The following FRAS1 variants were observed in gnomAD, a reference collection of about 807,000 sequenced individuals.
FRAS1 encodes extracellular matrix organizing protein FRAS1.
FRAS1 carries 290 observed loss-of-function variants against 435.2 expected under a neutral mutation model. The ratio of observed to expected loss-of-function variants is 0.67; its 90% CI spans 0.61 to 0.73. FRAS1 has a LOEUF of 0.73. Among genes scored for constraint, FRAS1 ranks in the 30% least tolerant of loss-of-function variants. FRAS1 has a pLI of 0.00. For missense variants in FRAS1, 4,860 were observed against 5,001.5 expected, an observed-to-expected ratio of 0.97 and a Z score of 0.85; for synonymous variants, 1,800 against 1,851.0, an observed-to-expected ratio of 0.97 and a Z score of 0.71.
At chr4:78,085,491 C>G (rs184695971) in intron 2 of FRAS1, among the ~76,000 whole-genome samples, 1 of 152,240 alleles carries the variant, frequency 6.6e-6, no homozygotes, top group Non-Finnish European at 1.5e-5. Context: ...TAGCAACAGT[C>G]ACCTGGTGAT....
chr4:78,233,355 A>G (rs962230456), intron 2 of FRAS1, among the ~76,000 whole-genome samples: 3 of 152,220 alleles, frequency 2.0e-5, no homozygotes, highest in Non-Finnish European at 4.4e-5. Flanking sequence ...CTCAACCTAT[A>G]GTTTCATTTC....
At chr4:78,142,523 T>A (rs10020175) in intron 2 of FRAS1, among the ~76,000 whole-genome samples, 12,997 of 152,150 alleles carry the variant, frequency 0.085, 785 homozygotes, top group African/African-American at 0.16. Flanking sequence ...GGGTTGCAGA[T>A]AATGAACGGA....
intron 2 of FRAS1, among the ~76,000 whole-genome samples, chr4:78,080,579 T>C (rs1159171660): frequency 6.6e-6 from 1 of 152,172 alleles, no homozygotes; most frequent in East Asian, 1.9e-4. Flanking sequence ...TGTATCTGCT[T>C]TGGAAAATAC....
intron 2 of FRAS1, among the ~76,000 whole-genome samples, chr4:78,155,426 A>G (rs1178159634): frequency 6.6e-6 from 1 of 152,224 alleles, no homozygotes; most frequent in Non-Finnish European, 1.5e-5. Flanking sequence ...AATAATGTAA[A>G]TAGTGTAAAT....
intron 2 of FRAS1, among the ~76,000 whole-genome samples, chr4:78,155,628 C>T (rs952009215): frequency 1.3e-5 from 2 of 152,160 alleles, no homozygotes; most frequent in Non-Finnish European, 2.9e-5. Flanking sequence ...TAACCCCCTG[C>T]GAGGAGCAGG....
chr4:78,148,058 G>A (rs1052815091), intron 2 of FRAS1, among the ~76,000 whole-genome samples: 5 of 152,226 alleles, frequency 3.3e-5, no homozygotes, highest in East Asian at 1.9e-4. Flanking sequence ...AATGTCACTT[G>A]TTCACTCCAA....
intron 22 of FRAS1, 58 bp from the exon 23 acceptor site, chr4:78,369,780 A>G: frequency 1.3e-6 from 2 of 1,503,502 alleles, no homozygotes; most frequent in South Asian, 1.3e-5. Context: ...AGGTTTGATC[A>G]GTGCTTCAGT....
chr4:78,482,369 G>T lies in FRAS1; in HGVS notation c.8605-19G>T. On this transcript the variant is annotated intron_variant, in intron 57 of 73. Transcript: ENST00000512123. The stretch of plus-strand genomic sequence containing the variant: ...AGATGGTGGGTCCTCTGTCAAGTTT[G>T]CTTTGGTTTCTCTTCTAGTATTGCA... The T allele has an allele frequency of 1.2e-6, 2 of 1,613,700 alleles. No homozygotes were observed. The highest frequency in any genetic ancestry group is 1.7e-6 in the Non-Finnish European group (2 of 1,179,740).
Position 78,230,213 on chromosome 4 carries a change from T to C in FRAS1, c.109-7297T>C, listed in dbSNP as rs1045582831. 3.3e-5 allele frequency among the ~76,000 whole-genome samples: 5 copies of C among 152,250 alleles called. No homozygotes were observed. The South Asian group carries it at 1.0e-3, about 31-fold the overall frequency. On this transcript the variant is annotated intron_variant, in intron 2 of 73. Transcript: ENST00000512123. ...TGAAATGGGAAACTGCTTAGGTTTTTGATGTGTAAAACAAGAAACTCCTTA... is the reference window on the plus strand; with the variant it reads ...TGAAATGGGAAACTGCTTAGGTTTTCGATGTGTAAAACAAGAAACTCCTTA...
chr4:78,419,353 C>T (rs1425558896), intron 33 of FRAS1, among the ~76,000 whole-genome samples: 1 of 152,168 alleles, frequency 6.6e-6, no homozygotes, highest in African/African-American at 2.4e-5. Flanking sequence ...CTCCCATGTA[C>T]TGGCAGAACT....
At chr4:78,481,768 A>T (rs768723471) in intron 56 of FRAS1, 36 bp from the exon 57 acceptor site, 2 of 1,611,624 alleles carry the variant, frequency 1.2e-6, no homozygotes, top group South Asian at 1.1e-5. Flanking sequence ...TCTGGCTCAA[A>T]GTTGACCATT....
intron 31 of FRAS1, among the ~76,000 whole-genome samples, chr4:78,412,751 C>T (rs1454193039): frequency 6.6e-6 from 1 of 152,076 alleles, no homozygotes; most frequent in Non-Finnish European, 1.5e-5. Context: ...TGCTTTCCTG[C>T]ATTTTCAACT....
chr4:78,262,759 C>A (rs746832413), intron 6 of FRAS1, among the ~76,000 whole-genome samples: 67 of 152,144 alleles, frequency 4.4e-4, no homozygotes, highest in Non-Finnish European at 8.7e-4. Context: ...TAGTGATAGT[C>A]CTACCCCAAA....
At chr4:78,059,049 C>T (rs929552153) in intron 1 of FRAS1, among the ~76,000 whole-genome samples, 5 of 152,202 alleles carry the variant, frequency 3.3e-5, no homozygotes, top group African/African-American at 1.2e-4. Flanking sequence ...CGGCTCCATT[C>T]ATTATTCATC....
intron 15 of FRAS1, among the ~76,000 whole-genome samples, chr4:78,312,859 A>AAGAGAGAGAGAG (rs61199249): frequency 8.2e-6 from 1 of 121,718 alleles, no homozygotes; most frequent in African/African-American, 3.4e-5. Context: ...GAAAGAAAGA[A>AAGAGAGAGAGAG]AGAGAGAGAG....
Position 78,515,781 on chromosome 4 carries a change from T to A in FRAS1, c.10175-18T>A, listed in dbSNP as rs920400526. On this transcript the variant is annotated intron_variant, in intron 65 of 73. Transcript: ENST00000512123. ...CCACAAACCAAGTTATCGTTCCTTG[T>A]TCTTCCCTCCCTGGCAGAGGCAGGG... The A allele has an allele frequency of 6.8e-6, 11 of 1,611,346 alleles. No homozygotes were observed. Among genetic ancestry groups the A allele is most frequent in the Non-Finnish European group, 8.5e-6 (10 of 1,178,458 alleles).
intron 66 of FRAS1, among the ~76,000 whole-genome samples, chr4:78,517,769 A>C (rs552140048): frequency 6.6e-6 from 1 of 152,264 alleles, no homozygotes; most frequent in South Asian, 2.1e-4. Context: ...AAGATTAGTG[A>C]GTAATATCAT....
intron 18 of FRAS1, among the ~76,000 whole-genome samples, chr4:78,332,824 A>G (rs963804404): frequency 2.1e-4 from 32 of 152,188 alleles, no homozygotes; most frequent in Non-Finnish European, 3.8e-4. Context: ...AGTCTCCATC[A>G]TAGCGTAGGC....
chr4:78,072,269 G>A (rs1297137409), intron 2 of FRAS1, among the ~76,000 whole-genome samples: 2 of 152,108 alleles, frequency 1.3e-5, no homozygotes, highest in Non-Finnish European at 2.9e-5. Flanking sequence ...GACCATTAGA[G>A]CTCTTCAATG....
Sources: gnomAD v4.1 joint callset for allele counts (sites outside exome capture counted in the v4.1 genomes callset) on GRCh38, gnomAD v4.1.1 for gene constraint, MANE v1.5 for transcripts, NCBI Gene and HGNC (gene_info 2026-07-23, HGNC 2026-07-21) for gene names.